Variants in MPZ observed in about 807,000 individuals in gnomAD.
The protein encoded by MPZ is myelin protein P0.
A neutral mutation model predicts 27.9 loss-of-function variants in MPZ; 13 were observed. That is an observed-to-expected ratio of 0.47 (90% confidence interval 0.30 to 0.74). The LOEUF (loss-of-function observed/expected upper bound fraction) is 0.74. Among genes scored for constraint, MPZ ranks in the 30% least tolerant of loss-of-function variants. The pLI, the probability that MPZ is intolerant of heterozygous loss-of-function variation, is 0.06. For missense variants in MPZ, 256 were observed against 317.5 expected (o/e 0.81, Z 1.47); for synonymous variants, 118 against 128.9 (o/e 0.92, Z 0.57).
chr1:161,306,398 A>AG lies in MPZ; in HGVS notation c.514dup (p.Leu172ProfsTer63). The AG allele has an allele frequency of 6.2e-7, 1 of 1,614,214 alleles. No homozygotes were observed. The highest frequency in any genetic ancestry group is 1.1e-5 in the South Asian group (1 of 91,086). On this transcript the variant is annotated frameshift_variant, in exon 4 of 6. Coordinates refer to ENST00000533357, the MANE Select transcript of MPZ (RefSeq NM_000530.8). LOFTEE classifies it high-confidence loss of function. ...CCGAACCACGTAGAAAAGCAGCAGC[A>AG]GCAACAGCACCACCCCGAGGACACC...
Position 161,307,435 on chromosome 1 carries a change from A to G in MPZ, c.68-11T>C. On this transcript the variant is annotated splice_polypyrimidine_tract_variant and intron_variant, in intron 1 of 5. Coordinates refer to ENST00000533357, the MANE Select transcript of MPZ (RefSeq NM_000530.8). The stretch of plus-strand genomic sequence containing the variant: ...GGGCCGGGGACAGCACTGCAAGCAC[A>G]AAGTGGGGAATCAGATGCACCTATG... The G allele has an allele frequency of 6.2e-7, 1 of 1,613,936 alleles. No homozygotes were observed. Among genetic ancestry groups the G allele is most frequent in the Non-Finnish European group, 8.5e-7 (1 of 1,180,036 alleles).
chr1:161,306,274 G>A (rs1670239806), intron 4 of MPZ, 55 bp downstream of exon 4: 8 of 1,612,910 alleles, frequency 5.0e-6, no homozygotes, highest in Non-Finnish European at 8.5e-7. Flanking sequence ...AGTAGTCTCC[G>A]CCCAGATGGG....
chr1:161,306,101 C>T lies in MPZ; in HGVS notation c.645+7G>A. Reference sequence around the variant, plus strand: ...CCCATCTTGTCTAGGCCCCAAGTCCCGCTAACCTGCCGCCCGCGCTTCGAC... The same window carrying T: ...CCCATCTTGTCTAGGCCCCAAGTCCTGCTAACCTGCCGCCCGCGCTTCGAC... On this transcript the variant is annotated splice_region_variant and intron_variant, in intron 5 of 5. Transcript: ENST00000533357. The T allele has an allele frequency of 1.9e-6, 3 of 1,614,220 alleles. No homozygotes were observed. The highest frequency in any genetic ancestry group is 1.1e-5 in the South Asian group (1 of 91,086).
intron 3 of MPZ, 35 bp from the exon 4 acceptor site, chr1:161,306,499 C>CA: frequency 6.2e-7 from 1 of 1,614,076 alleles, no homozygotes; most frequent in Non-Finnish European, 8.5e-7. Context: ...GGAGAATGAG[C>CA]AGGGCCCTGT....
At chr1:161,306,062 C>T in intron 5 of MPZ, 46 bp downstream of exon 5, 1 of 1,613,248 alleles carries the variant, frequency 6.2e-7, no homozygotes, top group Non-Finnish European at 8.5e-7. Flanking sequence ...CCGGCGGCTC[C>T]CAGGGTTCTC....
At chr1:161,309,552 A>ATATATTTTTTTTTTTTTTTTTTTTTT in intron 1 of MPZ, among the ~76,000 whole-genome samples, 1 of 80,664 alleles carries the variant, frequency 1.2e-5, no homozygotes. Context: ...ATATATATAT[A>ATATATTTTTTTTTTTTTTTTTTTTTT]TTTTTTTTTT....
At position 161,305,874 on chromosome 1, in the gene MPZ, C is replaced by T; in HGVS notation, c.*2G>A. 1.2e-6 allele frequency: 2 copies of T among 1,612,068 alleles called. No individual in the cohort carries two copies. The highest frequency in any genetic ancestry group is 1.7e-6 in the Non-Finnish European group (2 of 1,178,576). On this transcript the variant is annotated 3_prime_UTR_variant, in exon 6 of 6. Coordinates refer to ENST00000533357, the MANE Select transcript of MPZ (RefSeq NM_000530.8). ...CCGATCCCCCGCCCGGCCCGCTAACCGCTATTTCTTATCCTTGCGAGACTC... is the reference window on the plus strand; with the variant it reads ...CCGATCCCCCGCCCGGCCCGCTAACTGCTATTTCTTATCCTTGCGAGACTC...
chr1:161,303,818 A>G (rs562581492), downstream of MPZ, among the ~76,000 whole-genome samples: 1 of 152,294 alleles, frequency 6.6e-6, no homozygotes, highest in African/African-American at 2.4e-5. Context: ...ACAAAAGGCT[A>G]TATATACTCT....
At position 161,306,724 on chromosome 1, in the gene MPZ, CA is replaced by C. The variant is rs1182353109; in HGVS notation, c.431del (p.Leu144ArgfsTer18). ...DIVGKTSQVTLYVFEKVPTRY... is the reference protein window; with the variant it reads ...DIVGKTSQVTXYVFEKVPTRY... ...TTCTCACACCTTTTTCAAAGACATACAGCGTGACCTGAGAGGTCTTGCCCAC... is the reference window on the plus strand; with the variant it reads ...TTCTCACACCTTTTTCAAAGACATACGCGTGACCTGAGAGGTCTTGCCCAC... On this transcript the variant is annotated frameshift_variant, in exon 3 of 6. Coordinates refer to ENST00000533357, the MANE Select transcript of MPZ (RefSeq NM_000530.8). LOFTEE classifies it high-confidence loss of function. 1.2e-6 allele frequency: 2 copies of C among 1,613,988 alleles called. No homozygotes were observed. The highest frequency in any genetic ancestry group is 1.7e-6 in the Non-Finnish European group (2 of 1,180,014).
chr1:161,307,069 T>C (rs1571819598), intron 2 of MPZ, 148 bp from the exon 3 acceptor site: 1 of 971,198 alleles, frequency 1.0e-6, no homozygotes, highest in Non-Finnish European at 1.5e-6. Context: ...TAAGGGATCT[T>C]GGGCTGGAAA....
At chr1:161,307,014 CAAAAAAAAAAAA>C (rs34621933) in intron 2 of MPZ, 93 bp from the exon 3 acceptor site, 57 of 232,388 alleles carry the variant, frequency 2.5e-4, no homozygotes, top group Non-Finnish European at 3.0e-4. Flanking sequence ...AAGAAAAAAG[CAAAAAAAAAAAA>C]AAAAAAAAAA....
In MPZ at chr1:161,309,552, A is replaced by ATTTTTTTTTTTT. The variant is rs1215409194; in HGVS notation, c.67+275_67+286dup. ...TTTCTTTTCATATATATATATATAT[A>ATTTTTTTTTTTT]TTTTTTTTTTTTTTGAATTTTACAG... On this transcript the variant is annotated intron_variant, in intron 1 of 5. Transcript: ENST00000533357. Among the ~76,000 whole-genome samples, 98 of 80,602 alleles carry ATTTTTTTTTTTT rather than the reference A, an allele frequency of 1.2e-3. 1 individual carries two copies. The highest frequency in any genetic ancestry group is 4.5e-3 in the African/African-American group (78 of 17,320). The allele number at this position is 80,602 out of a possible 152,430, so 52.9% of individuals were successfully genotyped here. A position where few individuals can be genotyped will look rare whatever the true frequency, so the allele number is the denominator to read the frequency against.
Position 161,305,867 on chromosome 1 carries a change from C to A in MPZ, c.*9G>T, listed in dbSNP as rs375677138. 1.2e-6 allele frequency: 2 copies of A among 1,608,446 alleles called. No homozygotes were observed. Among genetic ancestry groups the A allele is most frequent in the Non-Finnish European group, 1.7e-6 (2 of 1,176,018 alleles). On this transcript the variant is annotated 3_prime_UTR_variant, in exon 6 of 6. Transcript: ENST00000533357. ...CTAACCCCCGATCCCCCGCCCGGCC[C>A]GCTAACCGCTATTTCTTATCCTTGC...
At chr1:161,306,297 G>T in intron 4 of MPZ, 32 bp downstream of exon 4, 1 of 1,613,936 alleles carries the variant, frequency 6.2e-7, no homozygotes. Flanking sequence ...ATAGTGGGGA[G>T]AGGGGGAGGG....
Position 161,305,570 on chromosome 1 carries a change from A to C in MPZ, c.*306T>G. The C allele has an allele frequency of 2.4e-6, 1 of 413,724 alleles. No homozygotes were observed. Among genetic ancestry groups the C allele is most frequent in the Non-Finnish European group, 4.4e-6 (1 of 228,712 alleles). 25.6% of individuals were successfully genotyped at this position (413,724 alleles called of 1,614,324 possible). On this transcript the variant is annotated 3_prime_UTR_variant, in exon 6 of 6. Coordinates refer to ENST00000533357, the MANE Select transcript of MPZ (RefSeq NM_000530.8). Reference sequence around the variant, plus strand: ...ATTCTGGAATGAAACTTACATCTCAAAGGGAGGTGAGGGCAGGGCAGGGCG... The same window carrying C: ...ATTCTGGAATGAAACTTACATCTCACAGGGAGGTGAGGGCAGGGCAGGGCG...
chr1:161,309,553 T>TATATA (rs1553259997), intron 1 of MPZ, among the ~76,000 whole-genome samples: 22 of 69,826 alleles, frequency 3.2e-4, no homozygotes, highest in African/African-American at 6.7e-4. Flanking sequence ...TATATATATA[T>TATATA]TTTTTTTTTT....
In MPZ at chr1:161,305,886, T is replaced by G. The variant is rs780963683; in HGVS notation, c.737A>C (p.Asp246Ala). The change falls in exon 6 of 6, where the codon GAT becomes GCT. Residue 246 changes from aspartate (D) to alanine (A), a missense_variant. By Grantham distance (126) the Asp-to-Ala change is moderately radical. Around this residue, in one of 2 missense-constraint regions of MPZ, gnomAD observed 101 missense variants for 93.6 expected, o/e 1.08. Coordinates refer to ENST00000533357, the MANE Select transcript of MPZ (RefSeq NM_000530.8). Reference sequence around the variant, plus strand: ...CCGGCCCGCTAACCGCTATTTCTTATCCTTGCGAGACTCCCCCAGCCCCTT... The same window carrying G: ...CCGGCCCGCTAACCGCTATTTCTTAGCCTTGCGAGACTCCCCCAGCCCCTT... ...KAKGLGESRK[D>A]KK The G allele has an allele frequency of 6.2e-7, 1 of 1,612,916 alleles. No individual in the cohort carries two copies. The highest frequency in any genetic ancestry group is 1.1e-5 in the South Asian group (1 of 91,046).
At chr1:161,306,282 G>C (rs371678189) in intron 4 of MPZ, 47 bp downstream of exon 4, 4 of 1,613,320 alleles carry the variant, frequency 2.5e-6, no homozygotes, top group Non-Finnish European at 3.4e-6. Context: ...CCGCCCAGAT[G>C]GGGGATAGTG....
chr1:161,309,552 A>ATTT (rs1215409194), intron 1 of MPZ, among the ~76,000 whole-genome samples: 3 of 80,646 alleles, frequency 3.7e-5, no homozygotes, highest in South Asian at 3.8e-4. Context: ...ATATATATAT[A>ATTT]TTTTTTTTTT....
Sources: gnomAD v4.1 joint callset for allele counts (sites outside exome capture counted in the v4.1 genomes callset) on GRCh38, gnomAD v4.1.1 for gene constraint, gnomAD v4.1.1 regional missense constraint, MANE v1.5 for transcripts, NCBI Gene and HGNC (gene_info 2026-07-23, HGNC 2026-07-21) for gene names.